Variants in TMEM50A observed in about 807,000 individuals in gnomAD.
TMEM50A encodes cervical cancer oncogene 9.
A neutral mutation model predicts 23.9 loss-of-function variants in TMEM50A; 8 were observed. That is an observed-to-expected ratio of 0.33 (90% CI 0.20 to 0.60). The LOEUF is 0.60. Ranked by LOEUF, TMEM50A falls within the 20% of genes least tolerant of loss-of-function variation. TMEM50A has a pLI of 0.81. For synonymous variants in TMEM50A, 55 were observed against 60.4 expected, an observed-to-expected ratio of 0.91 and a Z score of 0.41; for missense variants, 178 against 192.7, an observed-to-expected ratio of 0.92 and a Z score of 0.45.
At chr1:25,339,046 G>T (rs1571793279) in intron 1 of TMEM50A, among the ~76,000 whole-genome samples, 1 of 152,314 alleles carries the variant, frequency 6.6e-6, no homozygotes, top group East Asian at 1.9e-4. Context: ...CTTAGCATTG[G>T]CTGTAATCAT....
intron 3 of TMEM50A, among the ~76,000 whole-genome samples, chr1:25,345,769 T>C (rs994670563): frequency 2.0e-5 from 3 of 151,322 alleles, no homozygotes; most frequent in Non-Finnish European, 2.9e-5. Context: ...GAAAAAAGTA[T>C]TTATTTTAGT....
At chr1:25,342,364 T>C (rs938163102) in intron 2 of TMEM50A, among the ~76,000 whole-genome samples, 2 of 152,352 alleles carry the variant, frequency 1.3e-5, no homozygotes, top group African/African-American at 4.8e-5. Context: ...TATTTTGTTA[T>C]ACCTTTGCCC....
intron 2 of TMEM50A, among the ~76,000 whole-genome samples, chr1:25,340,955 T>C (rs1056360905): frequency 6.6e-6 from 1 of 152,052 alleles, no homozygotes. Context: ...TTCTTCTCAG[T>C]CTCAGGGAAA....
At chr1:25,348,683 C>CAAAAAAA (rs57543271) in intron 3 of TMEM50A, among the ~76,000 whole-genome samples, 1 of 141,324 alleles carries the variant, frequency 7.1e-6, no homozygotes, top group Non-Finnish European at 1.5e-5. Context: ...GACTCCATCT[C>CAAAAAAA]AAAAAAAAAA....
At chr1:25,344,685 T>TA (rs1193404036) in intron 3 of TMEM50A, among the ~76,000 whole-genome samples, 2 of 151,974 alleles carry the variant, frequency 1.3e-5, no homozygotes, top group East Asian at 3.8e-4. Flanking sequence ...CGACCTTTCC[T>TA]AGAGTTTCTG....
At chr1:25,345,152 G>A (rs189150616) in intron 3 of TMEM50A, among the ~76,000 whole-genome samples, 1 of 138,786 alleles carries the variant, frequency 7.2e-6, no homozygotes, top group African/African-American at 2.7e-5. Flanking sequence ...GATACAAGAA[G>A]TATTTACTTT....
chr1:25,340,226 A>G (rs1003811809), intron 1 of TMEM50A, among the ~76,000 whole-genome samples: 7 of 152,128 alleles, frequency 4.6e-5, no homozygotes, highest in Middle Eastern at 3.2e-3. Flanking sequence ...ATGAACCACC[A>G]CGCCCGGCCC....
intron 2 of TMEM50A, among the ~76,000 whole-genome samples, chr1:25,341,174 T>G (rs1031233472): frequency 1.3e-5 from 2 of 152,140 alleles, no homozygotes; most frequent in Non-Finnish European, 2.9e-5. Flanking sequence ...GATCATATGG[T>G]GTCGTAGGCT....
chr1:25,344,383 G>C (rs1293389228), intron 3 of TMEM50A, among the ~76,000 whole-genome samples: 3 of 152,140 alleles, frequency 2.0e-5, no homozygotes, highest in Admixed American at 1.3e-4. Context: ...TTATTGCAGT[G>C]CCAAATAGTA....
intron 5 of TMEM50A, among the ~76,000 whole-genome samples, chr1:25,353,693 G>A (rs1158310681): frequency 3.9e-5 from 6 of 152,154 alleles, no homozygotes; most frequent in Non-Finnish European, 8.8e-5. Context: ...GGCAAGCTCA[G>A]GAAAAGGTAT....
At chr1:25,345,417 A>T (rs1256885328) in intron 3 of TMEM50A, among the ~76,000 whole-genome samples, 2 of 152,218 alleles carry the variant, frequency 1.3e-5, no homozygotes, top group Admixed American at 6.5e-5. Flanking sequence ...TGTCTCTACT[A>T]AAAATACAAA....
rs1293056761 is a variant in TMEM50A at position 25,343,002 on chromosome 1, T to G, written c.135T>G (p.Ile45Met). ...GWWIIIDAAVIYPTMKDFNHS... is the reference protein window; with the variant it reads ...GWWIIIDAAVMYPTMKDFNHS... ...GGATTATCATAGATGCAGCTGTTAT[T>G]TATCCCACCATGAAAGATTTCAACC... Residue 45 changes from isoleucine to methionine, a missense_variant, in exon 3 of 7, where the codon ATT (isoleucine) becomes ATG (methionine). Transcript: ENST00000374358. 15 of 1,613,730 alleles carry G rather than the reference T, an allele frequency of 9.3e-6. No homozygotes were observed. The highest frequency in any genetic ancestry group is 1.2e-5 in the Non-Finnish European group (14 of 1,179,888).
At chr1:25,359,442 T>C (rs1645371273) in intron 6 of TMEM50A, among the ~76,000 whole-genome samples, 1 of 151,836 alleles carries the variant, frequency 6.6e-6, no homozygotes, top group East Asian at 1.9e-4. Context: ...TTGGCTTCCC[T>C]GGGCCATATT....
intron 3 of TMEM50A, among the ~76,000 whole-genome samples, chr1:25,348,513 C>T (rs998399372): frequency 2.0e-4 from 30 of 152,006 alleles, no homozygotes; most frequent in Admixed American, 1.7e-3. Context: ...GATGAAGCCC[C>T]GTCTCTACTA....
chr1:25,340,977 G>C (rs897732565), intron 2 of TMEM50A, among the ~76,000 whole-genome samples: 1 of 152,120 alleles, frequency 6.6e-6, no homozygotes, highest in Non-Finnish European at 1.5e-5. Flanking sequence ...AAAAGTGCTC[G>C]CTTTGGCAAC....
At chr1:25,357,121 C>T (rs1490510434) in intron 6 of TMEM50A, among the ~76,000 whole-genome samples, 1 of 152,170 alleles carries the variant, frequency 6.6e-6, no homozygotes, top group African/African-American at 2.4e-5. Flanking sequence ...AATTTAGTTA[C>T]ATAACACTGG....
Position 25,340,443 on chromosome 1 carries a change from T to C in TMEM50A, c.-13-31T>C, listed in dbSNP as rs749470381. On this transcript the variant is annotated intron_variant, in intron 1 of 6. Transcript: ENST00000374358. ...GCTTGAAGCAAGTAAATGGAAGTACTTATTTAATTGTTTGTTTGTTTGTTT... is the reference window on the plus strand; with the variant it reads ...GCTTGAAGCAAGTAAATGGAAGTACCTATTTAATTGTTTGTTTGTTTGTTT... The C allele has an allele frequency of 8.7e-6, 13 of 1,502,746 alleles. No individual in the cohort carries two copies. The East Asian group carries it at 2.9e-4, about 34-fold the overall frequency. The allele number at this position is 1,502,746 out of a possible 1,614,324, so 93.1% of individuals were successfully genotyped here.
intron 3 of TMEM50A, among the ~76,000 whole-genome samples, chr1:25,345,777 AGTTT>A (rs1419578277): frequency 1.3e-5 from 2 of 150,578 alleles, no homozygotes; most frequent in Non-Finnish European, 1.5e-5. Context: ...TATTTATTTT[AGTTT>A]GTTTATTTAT....
chr1:25,344,699 G>GT (rs746429886), intron 3 of TMEM50A, among the ~76,000 whole-genome samples: 310 of 148,512 alleles, frequency 2.1e-3, no homozygotes, highest in East Asian at 0.011. Flanking sequence ...GTTTCTGATT[G>GT]TTTTTTTTTG....
Sources: allele counts gnomAD v4.1 joint callset (sites outside exome capture counted in the v4.1 genomes callset), GRCh38; gene constraint gnomAD v4.1.1; transcripts MANE v1.5; gene names NCBI Gene and HGNC (gene_info 2026-07-23, HGNC 2026-07-21).